NALF1: variants seen among roughly 807,000 people sequenced by gnomAD.
NALF1 encodes the protein NALCN channel auxiliary factor 1.
A neutral mutation model predicts 48.4 loss-of-function variants in NALF1; 3 were observed. That is an observed-to-expected ratio of 0.06 (90% CI 0.03 to 0.16). NALF1 has a LOEUF of 0.16. NALF1 is among the 10% of genes least tolerant of loss of function. NALF1 has a pLI of 1.00. For missense variants in NALF1, 526 were observed against 571.5 expected (o/e 0.92, Z 0.81); for synonymous variants, 262 against 245.7 (o/e 1.07, Z -0.62).
chr13:107,516,356 C>T (rs555503006), intron 1 of NALF1, among the ~76,000 whole-genome samples: 1 of 152,300 alleles, frequency 6.6e-6, no homozygotes, highest in African/African-American at 2.4e-5. Flanking sequence ...GTGGTATTTA[C>T]TTGCTGTTCT....
intron 1 of NALF1, among the ~76,000 whole-genome samples, chr13:107,829,737 G>A (rs1879651784): frequency 6.6e-6 from 1 of 152,074 alleles, no homozygotes; most frequent in African/African-American, 2.4e-5. Flanking sequence ...CGGATGACAG[G>A]TTTACATGGT....
At chr13:107,698,953 A>C (rs1328712593) in intron 1 of NALF1, among the ~76,000 whole-genome samples, 1 of 152,108 alleles carries the variant, frequency 6.6e-6, no homozygotes, top group East Asian at 1.9e-4. Flanking sequence ...GATCCTGATG[A>C]CTTCATGAAG....
intron 1 of NALF1, among the ~76,000 whole-genome samples, chr13:107,552,549 C>T (rs1450502114): frequency 6.6e-6 from 1 of 152,148 alleles, no homozygotes; most frequent in African/African-American, 2.4e-5. Flanking sequence ...ACACACTGGA[C>T]TCATTTATGT....
chr13:107,379,333 C>A (rs1265477327), intron 1 of NALF1, among the ~76,000 whole-genome samples: 1 of 152,178 alleles, frequency 6.6e-6, no homozygotes, highest in Non-Finnish European at 1.5e-5. Flanking sequence ...TAGTCCCAAA[C>A]CAAGCCTGGG....
At chr13:107,470,532 CG>C (rs1885082943) in intron 1 of NALF1, among the ~76,000 whole-genome samples, 1 of 152,138 alleles carries the variant, frequency 6.6e-6, no homozygotes, top group Non-Finnish European at 1.5e-5. Context: ...CTGAGGTCAA[CG>C]TTTCACTTCT....
At chr13:107,552,557 T>C (rs1030998589) in intron 1 of NALF1, among the ~76,000 whole-genome samples, 1 of 152,140 alleles carries the variant, frequency 6.6e-6, no homozygotes, top group African/African-American at 2.4e-5. Flanking sequence ...GACTCATTTA[T>C]GTGTATTAAC....
At chr13:107,275,862 G>A (rs973377133) in intron 1 of NALF1, among the ~76,000 whole-genome samples, 5 of 152,190 alleles carry the variant, frequency 3.3e-5, no homozygotes, top group African/African-American at 1.2e-4. Flanking sequence ...AGCCTGCAGT[G>A]TTTAGACCTG....
intron 1 of NALF1, among the ~76,000 whole-genome samples, chr13:107,684,147 C>T (rs1042873767): frequency 7.2e-5 from 11 of 152,228 alleles, no homozygotes; most frequent in Admixed American, 1.3e-4. Flanking sequence ...ATCCACCTCT[C>T]AGCGCTCTGT....
At chr13:107,302,550 C>A (rs573923117) in intron 1 of NALF1, among the ~76,000 whole-genome samples, 1 of 152,022 alleles carries the variant, frequency 6.6e-6, no homozygotes, top group Non-Finnish European at 1.5e-5. Flanking sequence ...TAAATTACAA[C>A]ACTGGGGCTC....
At chr13:107,411,318 T>TTA (rs772485060) in intron 1 of NALF1, among the ~76,000 whole-genome samples, 163 of 138,964 alleles carry the variant, frequency 1.2e-3, no homozygotes, top group East Asian at 9.6e-3. Flanking sequence ...TTTTTTTTTT[T>TTA]AATCAAGACA....
At chr13:107,356,535 T>C (rs761246000) in intron 1 of NALF1, among the ~76,000 whole-genome samples, 1 of 152,216 alleles carries the variant, frequency 6.6e-6, no homozygotes, top group Non-Finnish European at 1.5e-5. Context: ...ACATTCTATC[T>C]ATACGATTTT....
intron 1 of NALF1, among the ~76,000 whole-genome samples, chr13:107,711,336 G>GTTTA (rs1484655549): frequency 6.6e-6 from 1 of 151,566 alleles, no homozygotes; most frequent in Non-Finnish European, 1.5e-5. Flanking sequence ...TTGTTTGTTT[G>GTTTA]TTTATTTATT....
chr13:107,600,907 T>C lies in NALF1; in HGVS notation c.915+264775A>G, dbSNP rs186394378. ...TTAGAAGGTATTTTAGGCAAGTGCC[T>C]AGTAAGAAATGAGTTTGTGCTATTG... On this transcript the variant is annotated intron_variant, in intron 1 of 2. Coordinates refer to ENST00000375915, the MANE Select transcript of NALF1 (RefSeq NM_001080396.3). Among the ~76,000 whole-genome samples the C allele has an allele frequency of 7.0e-3, 1,073 of 152,280 alleles. 10 individuals are homozygous for C. Among genetic ancestry groups the C allele is most frequent in the Middle Eastern group, 0.01 (3 of 294 alleles).
chr13:107,769,230 C>A (rs1029766938), intron 1 of NALF1, among the ~76,000 whole-genome samples: 14 of 148,792 alleles, frequency 9.4e-5, no homozygotes, highest in Non-Finnish European at 3.0e-5. Context: ...GCTATAAAGA[C>A]ACATGCACAC....
rs1301733746 is a variant in NALF1 at position 107,168,960 on chromosome 13, A to C, written c.*1537T>G. Reference sequence around the variant, plus strand: ...AGTTAGAGAATAGGAAGGAATGTAAAATTTTTTTTTTAATTATTTGTTTTG... The same window carrying C: ...AGTTAGAGAATAGGAAGGAATGTAACATTTTTTTTTTAATTATTTGTTTTG... On this transcript the variant is annotated 3_prime_UTR_variant, in exon 3 of 3. Transcript: ENST00000375915. The C allele has an allele frequency of 2.8e-5, 2 of 71,534 alleles. No individual in the cohort carries two copies. The highest frequency in any genetic ancestry group is 2.9e-4 in the East Asian group (1 of 3,416). 4.4% of individuals were successfully genotyped at this position (71,534 alleles called of 1,614,324 possible).
chr13:107,261,954 G>A (rs916421061), intron 1 of NALF1, among the ~76,000 whole-genome samples: 1 of 152,126 alleles, frequency 6.6e-6, no homozygotes, highest in Non-Finnish European at 1.5e-5. Flanking sequence ...TCCATTTCAA[G>A]AGTATCCAGG....
intron 1 of NALF1, among the ~76,000 whole-genome samples, chr13:107,286,124 G>A (rs758010134): frequency 6.6e-6 from 1 of 152,184 alleles, no homozygotes; most frequent in Non-Finnish European, 1.5e-5. Context: ...ACTGTTGAAA[G>A]TCATAGAAAA....
intron 1 of NALF1, among the ~76,000 whole-genome samples, chr13:107,838,009 G>A (rs888490644): frequency 1.3e-5 from 2 of 152,050 alleles, no homozygotes; most frequent in African/African-American, 2.4e-5. Context: ...TTAGGTGCTC[G>A]AAATGTGAGT....
At chr13:107,515,169 T>C (rs1376315417) in intron 1 of NALF1, among the ~76,000 whole-genome samples, 2 of 152,196 alleles carry the variant, frequency 1.3e-5, no homozygotes, top group South Asian at 2.1e-4. Flanking sequence ...GTAATCACTA[T>C]AGAAACTACT....
Sources: gnomAD v4.1 joint callset for allele counts (sites outside exome capture counted in the v4.1 genomes callset) on GRCh38, gnomAD v4.1.1 for gene constraint, MANE v1.5 for transcripts, NCBI Gene and HGNC (gene_info 2026-07-23, HGNC 2026-07-21) for gene names.